Variants in GOLGA4 observed in about 807,000 individuals in gnomAD.
The protein encoded by GOLGA4 is golgin A4.
GOLGA4 carries 169 observed loss-of-function variants against 265.9 expected under a neutral mutation model. The observed-to-expected ratio is 0.64, with a 90% CI of 0.56 to 0.72. The LOEUF is 0.72. GOLGA4 is among the 30% of genes least tolerant of loss of function. The probability of loss-of-function intolerance (pLI) is 0.00; values close to 1 mark genes in which losing one functional copy is unlikely to be tolerated. For synonymous variants in GOLGA4, 923 were observed against 855.8 expected (o/e 1.08, Z -1.37); for missense variants, 2,482 against 2,483.4 (o/e 1.00, Z 0.01).
At chr3:37,290,386 T>C (rs1424448849) in intron 5 of GOLGA4, among the ~76,000 whole-genome samples, 4 of 152,234 alleles carry the variant, frequency 2.6e-5, no homozygotes, top group Non-Finnish European at 4.4e-5. Flanking sequence ...TTCTTATTGC[T>C]ATCATGTTTG....
At chr3:37,296,760 G>A (rs985591898) in intron 7 of GOLGA4, among the ~76,000 whole-genome samples, 4 of 151,918 alleles carry the variant, frequency 2.6e-5, no homozygotes, top group South Asian at 2.1e-4. Context: ...CAGTAGAGAC[G>A]GGCTTTCACT....
intron 4 of GOLGA4, 108 bp from the exon 5 acceptor site, chr3:37,289,127 G>T: frequency 1.6e-6 from 1 of 639,510 alleles, no homozygotes. Flanking sequence ...GGTTATTTTT[G>T]GATAAACGGT....
At chr3:37,293,892 C>T (rs1163199898) in intron 5 of GOLGA4, among the ~76,000 whole-genome samples, 2 of 152,226 alleles carry the variant, frequency 1.3e-5, no homozygotes, top group Admixed American at 1.3e-4. Flanking sequence ...TCCTACACTA[C>T]AAGCCTGTAC....
intron 16 of GOLGA4, among the ~76,000 whole-genome samples, chr3:37,332,833 T>C (rs1160776811): frequency 6.6e-6 from 1 of 152,212 alleles, no homozygotes; most frequent in East Asian, 1.9e-4. Context: ...CTTTTCTATG[T>C]CGTTTTTTCA....
Position 37,315,617 on chromosome 3 carries a change from T to C in GOLGA4, c.1413+19T>C. On this transcript the variant is annotated intron_variant, in intron 11 of 23. Transcript: ENST00000361924. The stretch of plus-strand genomic sequence containing the variant: ...AATGAAAGTAAGAATAATTCTGTAA[T>C]GAAATGGGCTACAACAAATTTGAAA... 1 of 1,582,808 alleles carries C rather than the reference T, an allele frequency of 6.3e-7. No homozygotes were observed. Among genetic ancestry groups the C allele is most frequent in the South Asian group, 1.1e-5 (1 of 90,006 alleles).
intron 1 of GOLGA4, chr3:37,249,609 T>C (rs1296452714): frequency 1.3e-5 from 2 of 151,454 alleles, no homozygotes. Flanking sequence ...GTTTTGTCTT[T>C]GGTGGGAGAG....
chr3:37,357,810 G>T (rs1166342170), intron 22 of GOLGA4, among the ~76,000 whole-genome samples: 3 of 152,160 alleles, frequency 2.0e-5, no homozygotes, highest in Admixed American at 6.5e-5. Context: ...GTATGAAAAT[G>T]ATTTTTCTTT....
At chr3:37,303,451 C>T (rs2096898267) in intron 10 of GOLGA4, among the ~76,000 whole-genome samples, 1 of 152,056 alleles carries the variant, frequency 6.6e-6, no homozygotes, top group Non-Finnish European at 1.5e-5. Context: ...TAAATTGACT[C>T]CAAAGTTTTA....
Position 37,282,213 on chromosome 3 carries a change from A to G in GOLGA4, c.418A>G (p.Ile140Val). 6.2e-7 allele frequency: 1 copy of G among 1,614,188 alleles called. No homozygotes were observed. The highest frequency in any genetic ancestry group is 1.3e-5 in the African/African-American group (1 of 75,060). The change falls in exon 3 of 24, where the codon ATT becomes GTT. Residue 140 changes from isoleucine to valine, a missense_variant. Physicochemically the swap from Ile to Val is conservative, Grantham distance 29. Transcript: ENST00000361924. ...AGACAGTCTCAACAAAGAACAGTTG[A>G]TTCAGCGGTTGCGAAGAATGGAACG... ...NSDSLNKEQL[I>V]QRLRRMERSL...
intron 22 of GOLGA4, among the ~76,000 whole-genome samples, chr3:37,356,907 A>C (rs540014159): frequency 6.6e-6 from 1 of 152,144 alleles, no homozygotes. Context: ...AGGATTTGCT[A>C]TATAGTGTAG....
intron 20 of GOLGA4, among the ~76,000 whole-genome samples, chr3:37,342,524 A>G (rs1322250999): frequency 1.3e-5 from 2 of 152,160 alleles, no homozygotes; most frequent in African/African-American, 2.4e-5. Flanking sequence ...ACCTGTATTT[A>G]TATTTTCAAG....
At chr3:37,337,204 T>C (rs1019858132) in intron 18 of GOLGA4, 41 bp downstream of exon 18, 2 of 1,072,956 alleles carry the variant, frequency 1.9e-6, no homozygotes, top group Non-Finnish European at 2.7e-6. Context: ...TTTTTTTTCT[T>C]TGAGACAGAT....
At chr3:37,358,935 T>C (rs545211196) in intron 22 of GOLGA4, among the ~76,000 whole-genome samples, 15 of 152,202 alleles carry the variant, frequency 9.9e-5, no homozygotes, top group East Asian at 5.8e-4. Flanking sequence ...TTGACCCTCA[T>C]TGGTAAAATG....
chr3:37,286,734 C>T (rs1373440905), intron 4 of GOLGA4, among the ~76,000 whole-genome samples: 1 of 152,160 alleles, frequency 6.6e-6, no homozygotes, highest in African/African-American at 2.4e-5. Flanking sequence ...TCTATGCTTT[C>T]CTTCTGCTTT....
intron 2 of GOLGA4, among the ~76,000 whole-genome samples, chr3:37,257,178 A>G (rs954005349): frequency 6.6e-6 from 1 of 152,174 alleles, no homozygotes; most frequent in African/African-American, 2.4e-5. Flanking sequence ...TCGATATGTT[A>G]CCTTTTGTGT....
chr3:37,336,459 TAAG>T (rs1559451839), intron 17 of GOLGA4, among the ~76,000 whole-genome samples: 4 of 151,884 alleles, frequency 2.6e-5, no homozygotes, highest in African/African-American at 9.7e-5. Context: ...CTAAGAAAGG[TAAG>T]AAAATAGCCT....
At position 37,295,524 on chromosome 3, in the gene GOLGA4, G is replaced by A. The variant is rs139913015; in HGVS notation, c.681+447G>A. Among the ~76,000 whole-genome samples, 488 of 152,318 alleles carry A rather than the reference G, an allele frequency of 3.2e-3. 3 individuals are homozygous for A. Among genetic ancestry groups the A allele is most frequent in the African/African-American group, 0.011 (476 of 41,570 alleles). ...ATGAGCCACCACTCCTAGCTCTTCA[G>A]TTAATGTTAAGGATACTTTTTTATT... On this transcript the variant is annotated intron_variant, in intron 6 of 23. Transcript: ENST00000361924.
intron 2 of GOLGA4, among the ~76,000 whole-genome samples, chr3:37,272,639 A>G (rs2096801906): frequency 2.6e-5 from 4 of 152,242 alleles, no homozygotes; most frequent in African/African-American, 7.2e-5. Context: ...CAAAAAGTAG[A>G]AAACACGTTT....
intron 2 of GOLGA4, among the ~76,000 whole-genome samples, chr3:37,253,186 G>A (rs2096738817): frequency 6.6e-6 from 1 of 151,898 alleles, no homozygotes; most frequent in South Asian, 2.1e-4. Context: ...GAGCCTCGGA[G>A]GTCGAAGCTG....
Sources: gnomAD v4.1 joint callset for allele counts (sites outside exome capture counted in the v4.1 genomes callset) on GRCh38, gnomAD v4.1.1 for gene constraint, MANE v1.5 for transcripts, NCBI Gene and HGNC (gene_info 2026-07-23, HGNC 2026-07-21) for gene names.